PPP2R5C: variants seen among roughly 807,000 people sequenced by gnomAD.
The protein encoded by PPP2R5C is serine/threonine-protein phosphatase 2A 56 kDa regulatory subunit gamma isoform.
Under a neutral mutation model 68.9 loss-of-function variants are expected in PPP2R5C, and 7 were observed. That is an observed-to-expected ratio of 0.10 (90% CI 0.06 to 0.19). The LOEUF is 0.19. Among genes scored for constraint, PPP2R5C ranks in the 10% least tolerant of loss-of-function variants. The pLI, the probability that PPP2R5C is intolerant of heterozygous loss-of-function variation, is 1.00. For synonymous variants in PPP2R5C, 210 were observed against 222.2 expected, an observed-to-expected ratio of 0.95 and a Z score of 0.49; for missense variants, 348 against 641.3, an observed-to-expected ratio of 0.54 and a Z score of 4.94.
intron 1 of PPP2R5C, chr14:101,823,788 C>T (rs2040231262): frequency 8.8e-7 from 1 of 1,133,434 alleles, no homozygotes; most frequent in Non-Finnish European, 1.1e-6. Flanking sequence ...TGAGCCTGCT[C>T]TTGCAGGTTT....
upstream of PPP2R5C, among the ~76,000 whole-genome samples, chr14:101,807,845 A>G (rs1462883386): frequency 6.6e-6 from 1 of 151,440 alleles, no homozygotes; most frequent in African/African-American, 2.4e-5. Flanking sequence ...TTTGACTCCT[A>G]TTCCGTATAT....
intron 12 of PPP2R5C, chr14:101,914,151 T>C: frequency 2.2e-6 from 1 of 455,542 alleles, no homozygotes; most frequent in South Asian, 1.6e-5. Context: ...TTGCTCTCTT[T>C]GCAAACGTCT....
rs1186112099 is a variant in PPP2R5C, at chr14:101,781,809, C to G, written c.94-4209C>G. Among the ~76,000 whole-genome samples, 1 of 151,882 alleles carries G rather than the reference C, an allele frequency of 6.6e-6. No individual in the cohort carries two copies. The highest frequency in any genetic ancestry group is 1.5e-5 in the Non-Finnish European group (1 of 67,914). On this transcript the variant is annotated intron_variant, in intron 2 of 14. Transcript: ENST00000328724. This position sits in a 1 kb window ranked among gnomAD's most constrained non-coding sequence, Gnocchi z 6.4. ...TTGGCCGCCCGCGAACCGCGCTCTC[C>G]CGTTTCCTTTCCGTCCCGTCTCGGG...
chr14:101,912,366 A>G (rs2046445276), intron 11 of PPP2R5C, 35 bp from the exon 14 acceptor site: 1 of 1,541,408 alleles, frequency 6.5e-7, no homozygotes, highest in Non-Finnish European at 8.7e-7. Flanking sequence ...TGTCTGATGC[A>G]TCTCTAACAC....
At chr14:101,864,150 A>G (rs1443760694) in intron 2 of PPP2R5C, among the ~76,000 whole-genome samples, 1 of 152,196 alleles carries the variant, frequency 6.6e-6, no homozygotes, top group African/African-American at 2.4e-5. Flanking sequence ...GACTCAATAA[A>G]TATTCATTCA....
rs2046756927 is a variant in PPP2R5C, at chr14:101,917,671, C to T, written c.1327-160C>T. 9 of 872,670 alleles carry T rather than the reference C, an allele frequency of 1.0e-5. No individual in the cohort carries two copies. The highest frequency in any genetic ancestry group is 3.7e-4 in the Middle Eastern group (1 of 2,726). The allele number at this position is 872,670 out of a possible 1,614,324, so 54.1% of individuals were successfully genotyped here. A position where few individuals can be genotyped will look rare whatever the true frequency, so the allele number is the denominator to read the frequency against. ...CTTTCTGGTTTCAGAAGTCAGCAGC[C>T]GCATCATGTTGCAGGTGTAGGCGAG... On this transcript the variant is annotated intron_variant, in intron 12 of 13. Transcript: ENST00000334743. This position sits in a 1 kb window ranked among gnomAD's most constrained non-coding sequence, Gnocchi z 4.4.
intron 5 of PPP2R5C, among the ~76,000 whole-genome samples, chr14:101,886,530 G>A (rs2044528807): frequency 1.3e-5 from 2 of 150,038 alleles, no homozygotes; most frequent in Non-Finnish European, 2.9e-5. Flanking sequence ...CTGTAATTGT[G>A]TGCATGCTTT....
At chr14:101,875,946 T>C (rs2043743994) in intron 2 of PPP2R5C, among the ~76,000 whole-genome samples, 1 of 152,182 alleles carries the variant, frequency 6.6e-6, no homozygotes, top group Non-Finnish European at 1.5e-5. Flanking sequence ...CCAGGCACTT[T>C]GTAGTTTTTG....
At chr14:101,772,240 A>T (rs1248151391) in intron 2 of PPP2R5C, among the ~76,000 whole-genome samples, 1 of 152,130 alleles carries the variant, frequency 6.6e-6, no homozygotes, top group Non-Finnish European at 1.5e-5. Context: ...AAGGAAGTAG[A>T]TAAAATTAAG....
chr14:101,841,148 C>A, intron 1 of PPP2R5C, among the ~76,000 whole-genome samples: 1 of 152,178 alleles, frequency 6.6e-6, no homozygotes, highest in East Asian at 1.9e-4. Flanking sequence ...CCAAAGAGAT[C>A]GTTTTCTGCC....
intron 2 of PPP2R5C, among the ~76,000 whole-genome samples, chr14:101,769,801 C>T (rs1331620968): frequency 6.6e-6 from 1 of 152,122 alleles, no homozygotes; most frequent in Non-Finnish European, 1.5e-5. Context: ...TTAATTAAAG[C>T]ACTTCAAAAT....
intron 1 of PPP2R5C, among the ~76,000 whole-genome samples, chr14:101,814,016 G>A (rs1448976276): frequency 6.6e-6 from 1 of 152,160 alleles, no homozygotes; most frequent in Non-Finnish European, 1.5e-5. Flanking sequence ...TAAATCTGGT[G>A]ACTTAACCTA....
intron 1 of PPP2R5C, chr14:101,820,828 TA>T (rs2040008964): frequency 6.6e-6 from 1 of 152,202 alleles, no homozygotes; most frequent in Non-Finnish European, 1.5e-5. Context: ...AAATATTACT[TA>T]ACATGAAGTG....
chr14:101,783,545 C>T (rs532444378), intron 2 of PPP2R5C, among the ~76,000 whole-genome samples: 7 of 151,940 alleles, frequency 4.6e-5, no homozygotes, highest in Admixed American at 1.3e-4. Context: ...TGGAGTGGGG[C>T]ATGGTGGCCA....
chr14:101,836,358 C>G (rs1406740625), intron 1 of PPP2R5C: 1 of 702,434 alleles, frequency 1.4e-6, no homozygotes, highest in African/African-American at 1.7e-5. Context: ...CCAGCCTTCT[C>G]CCCTGCCCTT....
rs71464696 is a variant in PPP2R5C at position 101,781,488 on chromosome 14, GC to G, written c.94-4524del. 2.2e-5 allele frequency among the ~76,000 whole-genome samples: 3 copies of G among 134,178 alleles called. No homozygotes were observed. In the East Asian group the frequency reaches 7.7e-4, roughly 34 times the overall value. 88.0% of individuals were successfully genotyped at this position (134,178 alleles called of 152,430 possible). ...TGGGCTCCCGCCGGGCCCTCCTGCCGCCCCCCAGCCTCCCCGCCCCTGCCCT... is the reference window on the plus strand; with the variant it reads ...TGGGCTCCCGCCGGGCCCTCCTGCCGCCCCCAGCCTCCCCGCCCCTGCCCT... On this transcript the variant is annotated intron_variant, in intron 2 of 14. Coordinates refer to the PPP2R5C transcript ENST00000328724. This position sits in a 1 kb window ranked among gnomAD's most constrained non-coding sequence, Gnocchi z 6.4.
rs369886469 is a variant in PPP2R5C at position 101,792,446 on chromosome 14, CA to C, written c.259+6265del. 2.9e-3 allele frequency among the ~76,000 whole-genome samples: 446 copies of C among 152,298 alleles called. 2 individuals carry two copies. Among genetic ancestry groups the C allele is most frequent in the Non-Finnish European group, 5.5e-3 (377 of 68,030 alleles). On this transcript the variant is annotated intron_variant, in intron 3 of 14. Coordinates refer to the PPP2R5C transcript ENST00000328724. Reference sequence around the variant, plus strand: ...GTAGTTTCAGTTTCACTAGCGAATTCAACATTTACTCTAACGTTCTTCTGAA... The same window carrying C: ...GTAGTTTCAGTTTCACTAGCGAATTCACATTTACTCTAACGTTCTTCTGAA...
At chr14:101,871,021 G>T (rs2043375354) in intron 2 of PPP2R5C, among the ~76,000 whole-genome samples, 1 of 152,082 alleles carries the variant, frequency 6.6e-6, no homozygotes, top group Admixed American at 6.6e-5. Flanking sequence ...TACCATGATA[G>T]ATATGACTGT....
At chr14:101,767,487 CCT>C (rs1595108228) in intron 2 of PPP2R5C, among the ~76,000 whole-genome samples, 1 of 152,156 alleles carries the variant, frequency 6.6e-6, no homozygotes, top group Admixed American at 6.5e-5. Flanking sequence ...AAGGAGAGCC[CCT>C]GACACCCCTG....
Sources: allele counts gnomAD v4.1 joint callset (sites outside exome capture counted in the v4.1 genomes callset), GRCh38; gene constraint gnomAD v4.1.1; non-coding constraint Gnocchi (gnomAD v3.1); transcripts MANE v1.5; gene names NCBI Gene and HGNC (gene_info 2026-07-23, HGNC 2026-07-21).